The following FGFR2 variants were observed in gnomAD, a reference collection of about 807,000 sequenced individuals.
FGFR2 encodes fibroblast growth factor receptor 2.
A neutral mutation model predicts 95.9 loss-of-function variants in FGFR2; 19 were observed. The observed-to-expected ratio is 0.20, with a 90% CI of 0.14 to 0.29. FGFR2 has a LOEUF of 0.29. Among genes scored for constraint, FGFR2 ranks in the 10% least tolerant of loss-of-function variants. The pLI, the probability that FGFR2 is intolerant of heterozygous loss-of-function variation, is 1.00. For synonymous variants in FGFR2, 392 were observed against 393.3 expected (o/e 1.00, Z 0.04); for missense variants, 707 against 1,056.9 (o/e 0.67, Z 4.59).
chr10:121,514,413 C>T (rs575997371), intron 9 of FGFR2, among the ~76,000 whole-genome samples: 23 of 152,262 alleles, frequency 1.5e-4, no homozygotes, highest in Non-Finnish European at 1.0e-4. Context: ...AATCAGGAGG[C>T]ACACACAAGC....
intron 12 of FGFR2, among the ~76,000 whole-genome samples, chr10:121,498,089 C>T (rs1160633327): frequency 6.6e-6 from 1 of 152,202 alleles, no homozygotes; most frequent in East Asian, 1.9e-4. Flanking sequence ...CCATCTGTGA[C>T]CCACAGCAAG....
At chr10:121,535,953 T>C (rs1411822891) in intron 6 of FGFR2, among the ~76,000 whole-genome samples, 2 of 152,196 alleles carry the variant, frequency 1.3e-5, no homozygotes, top group South Asian at 2.1e-4. Context: ...AACCACAATC[T>C]ATGTATCATA....
intron 11 of FGFR2, among the ~76,000 whole-genome samples, chr10:121,499,513 G>GAAAGGACAC (rs1337540643): frequency 6.6e-6 from 1 of 152,256 alleles, no homozygotes; most frequent in African/African-American, 2.4e-5. Flanking sequence ...TGGGCTGTAA[G>GAAAGGACAC]AAAGGACACG....
At position 121,500,966 on chromosome 10, in the gene FGFR2, G is replaced by T. The variant is rs752507319; in HGVS notation, c.1440-19C>A. On this transcript the variant is annotated intron_variant, in intron 10 of 17. Coordinates refer to ENST00000358487, the MANE Select transcript of FGFR2 (RefSeq NM_000141.5). ...TGTCAGCCTAAATGTGTAAATAGGG[G>T]ATTAGCACATAGCATCTGGTGATGG... is the stretch of plus-strand genomic sequence containing the variant. 4.3e-6 allele frequency: 7 copies of T among 1,613,378 alleles called. No individual in the cohort carries two copies. The highest frequency in any genetic ancestry group is 5.9e-6 in the Non-Finnish European group (7 of 1,180,018).
chr10:121,583,993 A>T (rs1861371861), intron 2 of FGFR2, among the ~76,000 whole-genome samples: 1 of 152,060 alleles, frequency 6.6e-6, no homozygotes, highest in Non-Finnish European at 1.5e-5. Flanking sequence ...TCCAACCATG[A>T]CAGGCACTCA....
chr10:121,589,100 G>A (rs529564470), intron 2 of FGFR2, among the ~76,000 whole-genome samples: 7 of 152,234 alleles, frequency 4.6e-5, no homozygotes, highest in Admixed American at 1.3e-4. Flanking sequence ...GGCGAGAATC[G>A]GACCAGTACA....
chr10:121,565,618 C>T lies in FGFR2; in HGVS notation c.196G>A (p.Asp66Asn), dbSNP rs148514974. ...TTAGTCCAACTGATCACGGCGGCAT[C>T]TTTCAACAGGCAGCGCACCTCTAGC... is the stretch of plus-strand genomic sequence containing the variant. ...ESLEVRCLLK[D>N]AAVISWTKDG... is the part of the protein sequence containing the mutation. The change falls in exon 3 of 18, where the codon GAT becomes AAT. Residue 66 changes from aspartate (D) to asparagine (N), a missense_variant. Coordinates refer to ENST00000358487, the MANE Select transcript of FGFR2 (RefSeq NM_000141.5). The T allele has an allele frequency of 2.5e-6, 4 of 1,614,148 alleles. No individual in the cohort carries two copies. The African/African-American group carries it at 5.3e-5, about 22-fold the overall frequency.
At chr10:121,526,252 C>A (rs1037871012) in intron 6 of FGFR2, 11 of 398,578 alleles carry the variant, frequency 2.8e-5, no homozygotes, top group South Asian at 1.3e-4. Context: ...ACTGAGAATT[C>A]TTTTTCTAAA....
At chr10:121,581,374 G>A (rs1323836261) in intron 2 of FGFR2, among the ~76,000 whole-genome samples, 2 of 152,094 alleles carry the variant, frequency 1.3e-5, no homozygotes, top group Non-Finnish European at 2.9e-5. Flanking sequence ...AAGGTGGCTG[G>A]TACTGATGAG....
intron 2 of FGFR2, among the ~76,000 whole-genome samples, chr10:121,569,919 G>C (rs1246566533): frequency 6.6e-6 from 1 of 152,196 alleles, no homozygotes; most frequent in African/African-American, 2.4e-5. Context: ...CACATGTTAG[G>C]GAGAATGCAT....
intron 4 of FGFR2, among the ~76,000 whole-genome samples, chr10:121,559,133 A>AAC (rs1564987292): frequency 2.7e-5 from 4 of 148,664 alleles, no homozygotes; most frequent in East Asian, 2.0e-4. Flanking sequence ...AAAAAAAAAA[A>AAC]CTCAAAAAAG....
chr10:121,548,115 T>G (rs375207871), intron 5 of FGFR2, among the ~76,000 whole-genome samples: 41 of 152,194 alleles, frequency 2.7e-4, no homozygotes, highest in East Asian at 1.7e-3. Context: ...TGACCACCTC[T>G]GCAACTAGCG....
intron 6 of FGFR2, among the ~76,000 whole-genome samples, chr10:121,532,225 C>A (rs1006014319): frequency 1.3e-5 from 2 of 152,192 alleles, no homozygotes; most frequent in African/African-American, 4.8e-5. Flanking sequence ...CAGGGCTCTA[C>A]GGAGCCGAGA....
At chr10:121,582,073 A>G (rs2135368483) in intron 2 of FGFR2, among the ~76,000 whole-genome samples, 1 of 152,158 alleles carries the variant, frequency 6.6e-6, no homozygotes, top group East Asian at 1.9e-4. Flanking sequence ...CTGGGACTAC[A>G]GGTGCCTGCC....
chr10:121,569,332 T>C (rs1021978482), intron 2 of FGFR2, among the ~76,000 whole-genome samples: 7 of 151,896 alleles, frequency 4.6e-5, no homozygotes, highest in African/African-American at 1.7e-4. Flanking sequence ...GTGATTCTCC[T>C]GCCTCAGCCT....
intron 2 of FGFR2, among the ~76,000 whole-genome samples, chr10:121,583,759 CAA>C (rs575928981): frequency 6.8e-6 from 1 of 146,626 alleles, no homozygotes. Flanking sequence ...CATTCTCCAG[CAA>C]AAAAAAAAAA....
chr10:121,546,494 T>C (rs933067685), intron 5 of FGFR2, among the ~76,000 whole-genome samples: 1 of 152,236 alleles, frequency 6.6e-6, no homozygotes, highest in African/African-American at 2.4e-5. Context: ...ACTTTAAAAA[T>C]AATAATTTGA....
intron 4 of FGFR2, among the ~76,000 whole-genome samples, chr10:121,562,031 A>C (rs1857054553): frequency 1.3e-5 from 2 of 152,184 alleles, no homozygotes; most frequent in Non-Finnish European, 2.9e-5. Context: ...CCAGAACACC[A>C]AGCACATCGA....
At chr10:121,547,922 A>T (rs1337201026) in intron 5 of FGFR2, among the ~76,000 whole-genome samples, 1 of 152,118 alleles carries the variant, frequency 6.6e-6, no homozygotes, top group African/African-American at 2.4e-5. Context: ...GGCTTAACAC[A>T]TCATTAGCGA....
Sources: gnomAD v4.1 joint callset for allele counts (sites outside exome capture counted in the v4.1 genomes callset) on GRCh38, gnomAD v4.1.1 for gene constraint, MANE v1.5 for transcripts, NCBI Gene and HGNC (gene_info 2026-07-23, HGNC 2026-07-21) for gene names.